NAV2: variants seen among roughly 807,000 people sequenced by gnomAD.
NAV2 encodes the protein helicase, APC down-regulated 1.
Under a neutral mutation model 223.2 loss-of-function variants are expected in NAV2, and 54 were observed. The observed-to-expected ratio is 0.24, with a 90% CI of 0.19 to 0.30. The LOEUF (loss-of-function observed/expected upper bound fraction) is 0.30. NAV2 is among the 10% of genes least tolerant of loss of function. NAV2 has a pLI of 1.00. For synonymous variants in NAV2, 1,279 were observed against 1,239.3 expected, an observed-to-expected ratio of 1.03 and a Z score of -0.67; for missense variants, 2,806 against 3,147.5, an observed-to-expected ratio of 0.89 and a Z score of 2.60.
chr11:19,449,976 A>G (rs549989872), intron 1 of NAV2, among the ~76,000 whole-genome samples: 1 of 152,320 alleles, frequency 6.6e-6, no homozygotes, highest in Non-Finnish European at 1.5e-5. Flanking sequence ...TTTCTAGGGA[A>G]AGACATGACA....
chr11:19,712,794 C>A (rs1408684520), upstream of NAV2, among the ~76,000 whole-genome samples: 1 of 151,734 alleles, frequency 6.6e-6, no homozygotes, highest in East Asian at 2.0e-4. Context: ...GCCGGGGCGG[C>A]CCCGGCTGTC....
intron 8 of NAV2, among the ~76,000 whole-genome samples, chr11:19,943,084 C>T (rs1052082613): frequency 2.6e-5 from 4 of 152,254 alleles, no homozygotes; most frequent in Middle Eastern, 3.4e-3. Flanking sequence ...ATATTTTGTG[C>T]GTGTGGTTAA....
chr11:19,444,105 G>T (rs1851499844), intron 1 of NAV2, among the ~76,000 whole-genome samples: 1 of 152,076 alleles, frequency 6.6e-6, no homozygotes, highest in African/African-American at 2.4e-5. Flanking sequence ...ACCACGACTG[G>T]CTAATTTTTG....
intron 6 of NAV2, among the ~76,000 whole-genome samples, chr11:19,903,287 ACACC>A (rs1201302711): frequency 1.3e-5 from 2 of 152,202 alleles, no homozygotes; most frequent in Non-Finnish European, 2.9e-5. Flanking sequence ...TGCAGGTGTC[ACACC>A]CTGTGGACGA....
At chr11:19,679,449 T>C (rs1316812520) in intron 1 of NAV2, among the ~76,000 whole-genome samples, 3 of 98,624 alleles carry the variant, frequency 3.0e-5, no homozygotes, top group African/African-American at 8.5e-5. Context: ...ACAAAAAGAT[T>C]TGGGGGCTAT....
At chr11:20,098,611 T>C (rs2061434502) in intron 31 of NAV2, among the ~76,000 whole-genome samples, 1 of 152,206 alleles carries the variant, frequency 6.6e-6, no homozygotes, top group Admixed American at 6.5e-5. Flanking sequence ...TGGTAGAATT[T>C]CCACAAGCAC....
At chr11:19,681,530 A>G (rs79075110) in intron 1 of NAV2, among the ~76,000 whole-genome samples, 2,950 of 152,254 alleles carry the variant, frequency 0.019, 103 homozygotes, top group African/African-American at 0.068. Context: ...CGATTTAATT[A>G]TTTGGCATTA....
At chr11:19,749,520 C>T (rs902636269) in intron 1 of NAV2, among the ~76,000 whole-genome samples, 1 of 152,210 alleles carries the variant, frequency 6.6e-6, no homozygotes, top group Non-Finnish European at 1.5e-5. Context: ...CATCCTTTAA[C>T]TTCCCCTTTC....
At position 19,476,893 on chromosome 11, in the gene NAV2, A is replaced by T. The variant is rs368391215; in HGVS notation, c.75+125866A>T. Among the ~76,000 whole-genome samples the T allele has an allele frequency of 2.5e-3, 376 of 152,270 alleles. 1 individual carries two copies. Among genetic ancestry groups the T allele is most frequent in the African/African-American group, 8.3e-3 (347 of 41,558 alleles). On this transcript the variant is annotated intron_variant, in intron 1 of 37. Transcript: ENST00000360655. ...TCAGGGCATCTTGCCCTGGACCAGC[A>T]GCCCCAGTTTCTACCACCTTCCTAT...
At chr11:19,954,901 A>G (rs1397052322) in intron 10 of NAV2, among the ~76,000 whole-genome samples, 1 of 32,120 alleles carries the variant, frequency 3.1e-5, no homozygotes, top group Non-Finnish European at 6.1e-5. Context: ...ATGTGTATAT[A>G]TATGTGTATA....
chr11:19,973,833 A>G (rs1260142547), intron 10 of NAV2, among the ~76,000 whole-genome samples: 2 of 152,254 alleles, frequency 1.3e-5, no homozygotes, highest in Non-Finnish European at 2.9e-5. Context: ...TGTGTTGTCC[A>G]TAATGCTTTG....
chr11:19,575,092 C>T (rs189833027), intron 1 of NAV2, among the ~76,000 whole-genome samples: 4 of 152,354 alleles, frequency 2.6e-5, no homozygotes, highest in Admixed American at 2.6e-4. Flanking sequence ...GTTGGCTGCA[C>T]TTAAGATCCG....
chr11:20,056,465 C>T (rs2058371163), intron 19 of NAV2: 2 of 1,116,860 alleles, frequency 1.8e-6, no homozygotes, highest in Non-Finnish European at 2.7e-6. Flanking sequence ...ATGCCCTTTT[C>T]TTTCTTTGGT....
intron 1 of NAV2, among the ~76,000 whole-genome samples, chr11:19,379,366 G>T (rs192235455): frequency 6.6e-6 from 1 of 152,204 alleles, no homozygotes. Flanking sequence ...TTACTTGGGA[G>T]CAAGGGGGTG....
chr11:20,059,897 G>A (rs558788194), intron 19 of NAV2, among the ~76,000 whole-genome samples: 1 of 152,326 alleles, frequency 6.6e-6, no homozygotes, highest in East Asian at 1.9e-4. Context: ...GCACAACCTA[G>A]GCTCTGACCT....
At chr11:19,591,913 A>C (rs1040504194) in intron 1 of NAV2, among the ~76,000 whole-genome samples, 6 of 152,204 alleles carry the variant, frequency 3.9e-5, no homozygotes, top group Admixed American at 3.3e-4. Context: ...CATGCACTTT[A>C]GACATTGGCC....
chr11:19,763,643 C>T (rs1354330294), intron 1 of NAV2, among the ~76,000 whole-genome samples: 2 of 152,130 alleles, frequency 1.3e-5, no homozygotes, highest in Non-Finnish European at 2.9e-5. Flanking sequence ...CCAATCCGTA[C>T]TCGCATAGTT....
At position 20,044,243 on chromosome 11, in the gene NAV2, C is replaced by G; in HGVS notation, c.3170C>G (p.Pro1057Arg). Reference protein sequence around the residue: ...ITMPRTKPSAPAGALKTPGTG... With the variant: ...ITMPRTKPSARAGALKTPGTG... ...ATGCCAAGGACGAAGCCTTCAGCCC[C>G]GGCAGGCGCACTGAAGACCCCAGGA... is the stretch of plus-strand genomic sequence containing the variant. Residue 1057 changes from proline to arginine, a missense_variant, in exon 13 of 38, where the codon CCG becomes CGG. Pro to Arg is a moderately radical substitution (Grantham distance 103). Around this residue, in one of 4 missense-constraint regions of NAV2, gnomAD observed 742 missense variants for 777.9 expected, o/e 0.95. Coordinates refer to ENST00000349880, the MANE Select transcript of NAV2 (RefSeq NM_145117.5). 1 of 1,612,276 alleles carries G rather than the reference C, an allele frequency of 6.2e-7. No individual in the cohort carries two copies. Among genetic ancestry groups the G allele is most frequent in the Non-Finnish European group, 8.5e-7 (1 of 1,178,558 alleles).
chr11:20,081,912 G>C (rs1002744377), intron 25 of NAV2, among the ~76,000 whole-genome samples: 1 of 152,134 alleles, frequency 6.6e-6, no homozygotes, highest in Non-Finnish European at 1.5e-5. Flanking sequence ...AGAAGACATT[G>C]CATTTTAATT....
Sources: allele counts gnomAD v4.1 joint callset (sites outside exome capture counted in the v4.1 genomes callset), GRCh38; gene constraint gnomAD v4.1.1; regional missense constraint gnomAD v4.1.1; transcripts MANE v1.5; gene names NCBI Gene and HGNC (gene_info 2026-07-23, HGNC 2026-07-21).